HHIP: variants seen among roughly 807,000 people sequenced by gnomAD.
HHIP encodes the protein hedgehog interacting protein, also known as hedgehog-interacting protein.
A neutral mutation model predicts 74.0 loss-of-function variants in HHIP; 12 were observed. The observed-to-expected ratio is 0.16, with a 90% CI of 0.10 to 0.26. HHIP has a LOEUF of 0.26. HHIP is among the 10% of genes least tolerant of loss of function. HHIP has a pLI of 1.00. For missense variants in HHIP, 788 were observed against 845.0 expected, an observed-to-expected ratio of 0.93 and a Z score of 0.84; for synonymous variants, 309 against 311.6, an observed-to-expected ratio of 0.99 and a Z score of 0.09.
At chr4:144,682,631 T>C (rs1204902954) in intron 4 of HHIP, among the ~76,000 whole-genome samples, 2 of 152,250 alleles carry the variant, frequency 1.3e-5, no homozygotes, top group African/African-American at 4.8e-5. Flanking sequence ...GAAGAGAGAC[T>C]GAAATAGCAG....
At chr4:144,723,628 C>T (rs1730699676) in intron 11 of HHIP, among the ~76,000 whole-genome samples, 1 of 152,160 alleles carries the variant, frequency 6.6e-6, no homozygotes, top group Non-Finnish European at 1.5e-5. Flanking sequence ...GATAAATTCC[C>T]ACAGTGCCTG....
chr4:144,714,080 A>T, intron 8 of HHIP, 145 bp from the exon 9 acceptor site: 1 of 661,514 alleles, frequency 1.5e-6, no homozygotes, highest in Non-Finnish European at 2.6e-6. Flanking sequence ...GACTGTTTTC[A>T]TTAAATAGCT....
intron 4 of HHIP, among the ~76,000 whole-genome samples, chr4:144,681,109 G>C (rs1204716228): frequency 6.6e-6 from 1 of 152,072 alleles, no homozygotes; most frequent in Non-Finnish European, 1.5e-5. Flanking sequence ...ATGAAATACT[G>C]TAGTATTCAG....
intron 11 of HHIP, among the ~76,000 whole-genome samples, chr4:144,732,643 A>G (rs1730992682): frequency 6.6e-6 from 1 of 152,132 alleles, no homozygotes; most frequent in East Asian, 1.9e-4. Context: ...CGAACAGGCA[A>G]TATCTTCTAG....
At chr4:144,697,429 T>C (rs772780876) in intron 4 of HHIP, among the ~76,000 whole-genome samples, 2 of 152,064 alleles carry the variant, frequency 1.3e-5, no homozygotes, top group African/African-American at 2.4e-5. Flanking sequence ...AAGTGGAACT[T>C]TGGAATAGAT....
chr4:144,703,214 C>CAAA (rs11398510), intron 4 of HHIP, among the ~76,000 whole-genome samples: 1 of 143,256 alleles, frequency 7.0e-6, no homozygotes, highest in Non-Finnish European at 1.5e-5. Flanking sequence ...AACTCCATCT[C>CAAA]AAAAAAAAAA....
intron 6 of HHIP, among the ~76,000 whole-genome samples, chr4:144,707,918 A>AT (rs1264919964): frequency 2.0e-5 from 3 of 152,162 alleles, no homozygotes; most frequent in Admixed American, 6.5e-5. Context: ...TCATTTTAAA[A>AT]TTTTTTGTAG....
chr4:144,672,477 G>A (rs1729066751), intron 4 of HHIP, among the ~76,000 whole-genome samples: 1 of 152,072 alleles, frequency 6.6e-6, no homozygotes, highest in Admixed American at 6.6e-5. Flanking sequence ...TAGGGGAGAA[G>A]CCCAGCCTGG....
intron 10 of HHIP, among the ~76,000 whole-genome samples, chr4:144,717,051 CT>C (rs1730474513): frequency 6.6e-6 from 1 of 151,904 alleles, no homozygotes; most frequent in Non-Finnish European, 1.5e-5. Flanking sequence ...ACACCTAATA[CT>C]ATTTAGAAGC....
In HHIP at chr4:144,738,133, A is replaced by G; in HGVS notation, c.*176A>G. The G allele has an allele frequency of 7.7e-7, 1 of 1,294,008 alleles. No homozygotes were observed. Among genetic ancestry groups the G allele is most frequent in the Non-Finnish European group, 9.8e-7 (1 of 1,020,560 alleles). The allele number at this position is 1,294,008 out of a possible 1,614,324, so 80.2% of individuals were successfully genotyped here. A position where few individuals can be genotyped will look rare whatever the true frequency, so the allele number is the denominator to read the frequency against. On this transcript the variant is annotated 3_prime_UTR_variant, in exon 13 of 13. Coordinates refer to ENST00000296575, the MANE Select transcript of HHIP (RefSeq NM_022475.3). ...TGTGTGTATGTCAGCATGTTTGTTC[A>G]CATATGCACATACACATACTCATAA...
chr4:144,742,945 A>C lies in HHIP; in HGVS notation c.*4988A>C, dbSNP rs1179891108. 1 of 89,610 alleles carries C rather than the reference A, an allele frequency of 1.1e-5. No individual in the cohort carries two copies. Among genetic ancestry groups the C allele is most frequent in the African/African-American group, 4.2e-5 (1 of 23,598 alleles). 5.6% of individuals were successfully genotyped at this position (89,610 alleles called of 1,614,324 possible). ...ATATATCTTTATATATATCTTATAT[A>C]TATATCTTATACATATAAGATATAT... On this transcript the variant is annotated 3_prime_UTR_variant, in exon 13 of 13. Transcript: ENST00000296575.
intron 4 of HHIP, among the ~76,000 whole-genome samples, chr4:144,686,287 AAAG>A (rs1280715394): frequency 6.6e-6 from 1 of 152,200 alleles, no homozygotes; most frequent in Non-Finnish European, 1.5e-5. Context: ...CACCAAACTT[AAAG>A]AAGAGGGATT....
chr4:144,733,166 GAC>G (rs1422134869), intron 11 of HHIP, among the ~76,000 whole-genome samples: 3 of 152,262 alleles, frequency 2.0e-5, no homozygotes, highest in East Asian at 3.9e-4. Flanking sequence ...CTCCCAGAAA[GAC>G]ACTTTTGAGG....
At position 144,734,777 on chromosome 4, in the gene HHIP, A is replaced by T; in HGVS notation, c.1797A>T (p.Gln599His). Reference protein sequence around the residue: ...LMPEECRATVQPAQTLTSECS... With the variant: ...LMPEECRATVHPAQTLTSECS... ...CTGAGGAATGCAGAGCCACGGTACA[A>T]CCTGCACAGACACTGACTTCAGAGT... The change falls in exon 12 of 13, where the codon CAA becomes CAT. Residue 599 changes from glutamine to histidine, a missense_variant. Physicochemically the swap from Gln to His is conservative, Grantham distance 24. This residue lies in a region of HHIP where 343 missense variants were observed against 347.9 expected (regional missense o/e 0.99). Transcript: ENST00000296575. The T allele has an allele frequency of 6.2e-7, 1 of 1,609,984 alleles. No individual in the cohort carries two copies. Among genetic ancestry groups the T allele is most frequent in the Non-Finnish European group, 8.5e-7 (1 of 1,176,956 alleles).
intron 4 of HHIP, among the ~76,000 whole-genome samples, chr4:144,689,010 A>C (rs1353944424): frequency 6.6e-6 from 1 of 152,234 alleles, no homozygotes; most frequent in Non-Finnish European, 1.5e-5. Context: ...GTCACAGATA[A>C]ATATCTTCCC....
At chr4:144,724,827 T>C (rs1387929674) in intron 11 of HHIP, among the ~76,000 whole-genome samples, 4 of 151,694 alleles carry the variant, frequency 2.6e-5, no homozygotes, top group African/African-American at 9.7e-5. Flanking sequence ...TCAATTTTGA[T>C]ACTTAGAATA....
intron 4 of HHIP, among the ~76,000 whole-genome samples, chr4:144,701,076 A>C (rs1364910071): frequency 6.6e-6 from 1 of 152,202 alleles, no homozygotes; most frequent in African/African-American, 2.4e-5. Flanking sequence ...AATAAAAGAA[A>C]TGTGAAAGCC....
intron 7 of HHIP, among the ~76,000 whole-genome samples, chr4:144,710,540 A>T (rs1039848214): frequency 3.9e-5 from 6 of 152,082 alleles, no homozygotes; most frequent in Non-Finnish European, 8.8e-5. Context: ...CCAACTCTCA[A>T]TTTTTTATTT....
chr4:144,670,003 G>A (rs901241961), intron 4 of HHIP, among the ~76,000 whole-genome samples: 2 of 151,534 alleles, frequency 1.3e-5, no homozygotes, highest in South Asian at 4.2e-4. Flanking sequence ...AATTAGCTGG[G>A]TGTGGTGGTG....
Sources: allele counts gnomAD v4.1 joint callset (sites outside exome capture counted in the v4.1 genomes callset), GRCh38; gene constraint gnomAD v4.1.1; regional missense constraint gnomAD v4.1.1; transcripts MANE v1.5; gene names NCBI Gene and HGNC (gene_info 2026-07-23, HGNC 2026-07-21).